UGT1A4: variants seen among roughly 807,000 people sequenced by gnomAD.
UGT1A4 encodes the protein UDP glucuronosyltransferase family 1 member A4.
Under a neutral mutation model 41.1 loss-of-function variants are expected in UGT1A4, and 32 were observed. The observed-to-expected ratio is 0.78, with a 90% CI of 0.59 to 1.05. UGT1A4 has a LOEUF of 1.05. UGT1A4 is among the 50% of genes least tolerant of loss of function. The probability of loss-of-function intolerance (pLI) is 0.00; values close to 1 mark genes in which losing one functional copy is unlikely to be tolerated. For missense variants in UGT1A4, 748 were observed against 677.4 expected (o/e 1.10, Z -1.16); for synonymous variants, 283 against 265.1 (o/e 1.07, Z -0.66).
At chr2:233,757,332 C>A (rs1696493928) in intron 1 of UGT1A4, among the ~76,000 whole-genome samples, 1 of 150,622 alleles carries the variant, frequency 6.6e-6, no homozygotes, top group Non-Finnish European at 1.5e-5. Flanking sequence ...TGAAATGGGA[C>A]CATGACAGCT....
chr2:233,719,115 G>A lies in UGT1A4; in HGVS notation c.295G>A (p.Gly99Arg). 1 of 1,614,244 alleles carries A rather than the reference G, an allele frequency of 6.2e-7. No homozygotes were observed. Among genetic ancestry groups the A allele is most frequent in the Non-Finnish European group, 8.5e-7 (1 of 1,180,040 alleles). Reference protein sequence around the residue: ...FDRVTLGYTQGFFETEHLLKR... With the variant: ...FDRVTLGYTQRFFETEHLLKR... Reference sequence around the variant, plus strand: ...TCGCGTTACGCTGGGCTACACTCAAGGGTTCTTTGAAACAGAACATCTTCT... The same window carrying A: ...TCGCGTTACGCTGGGCTACACTCAAAGGTTCTTTGAAACAGAACATCTTCT... Residue 99 changes from glycine (G) to arginine (R), a missense_variant, in exon 1 of 5, where the codon GGG (glycine) becomes AGG (arginine). Physicochemically the swap from Gly to Arg is moderately radical, Grantham distance 125. Coordinates refer to ENST00000373409, the MANE Select transcript of UGT1A4 (RefSeq NM_007120.3).
At chr2:233,725,829 C>A (rs1473271913) in intron 1 of UGT1A4, among the ~76,000 whole-genome samples, 1 of 152,074 alleles carries the variant, frequency 6.6e-6, no homozygotes, top group African/African-American at 2.4e-5. Flanking sequence ...ACCAGTATTG[C>A]TACTCCTATG....
At chr2:233,729,941 A>T (rs1478646241) in intron 1 of UGT1A4, 1 of 1,613,962 alleles carries the variant, frequency 6.2e-7, no homozygotes, top group African/African-American at 1.3e-5. Flanking sequence ...ATCATGCCCA[A>T]CATGGTCTTC....
intron 1 of UGT1A4, among the ~76,000 whole-genome samples, chr2:233,753,821 G>A (rs1406442938): frequency 6.6e-6 from 1 of 152,104 alleles, no homozygotes; most frequent in African/African-American, 2.4e-5. Flanking sequence ...ACCACGTTAG[G>A]GCTGAAGACA....
In UGT1A4 at chr2:233,767,880, C is replaced by T. The variant is rs144978321; in HGVS notation, c.1031C>T (p.Ser344Leu). Reference sequence around the variant, plus strand: ...TGGCGGTACACTGGAACCCGACCATCGAATCTTGCGAACAACACGATACTT... The same window carrying T: ...TGGCGGTACACTGGAACCCGACCATTGAATCTTGCGAACAACACGATACTT... ...VLWRYTGTRP[S>L]NLANNTILVK... Residue 344 changes from serine (S) to leucine (L), a missense_variant, in exon 3 of 5, where the codon TCG (serine) becomes TTG (leucine). Physicochemically the swap from Ser to Leu is moderately radical, Grantham distance 145 (BLOSUM62 -2). Transcript: ENST00000373409. 290 of 1,614,050 alleles carry T rather than the reference C, an allele frequency of 1.8e-4. No homozygotes were observed. Among genetic ancestry groups the T allele is most frequent in the Non-Finnish European group, 2.4e-4 (278 of 1,180,052 alleles).
At chr2:233,748,802 C>G (rs1371204556) in intron 1 of UGT1A4, among the ~76,000 whole-genome samples, 1 of 151,284 alleles carries the variant, frequency 6.6e-6, no homozygotes, top group African/African-American at 2.5e-5. Context: ...CTGAAATTAT[C>G]AAGAAATTGT....
intron 1 of UGT1A4, among the ~76,000 whole-genome samples, chr2:233,758,486 A>G (rs1279862194): frequency 6.6e-6 from 1 of 152,222 alleles, no homozygotes; most frequent in East Asian, 1.9e-4. Flanking sequence ...TAAACTGTGA[A>G]TTTCAGAATT....
At chr2:233,720,076 G>A (rs1239558691) in intron 1 of UGT1A4, among the ~76,000 whole-genome samples, 1 of 152,116 alleles carries the variant, frequency 6.6e-6, no homozygotes, top group African/African-American at 2.4e-5. Context: ...TTAGAATTGT[G>A]GACATGATAA....
intron 1 of UGT1A4, among the ~76,000 whole-genome samples, chr2:233,724,281 C>G (rs1325936815): frequency 2.7e-5 from 3 of 112,012 alleles, no homozygotes; most frequent in Admixed American, 8.5e-5. Flanking sequence ...GCTGGCCGGG[C>G]GGGGGGCTGA....
chr2:233,767,172 A>G lies in UGT1A4; in HGVS notation c.999+7A>G, dbSNP rs375883067. On this transcript the variant is annotated splice_region_variant and intron_variant, in intron 2 of 4. Coordinates refer to ENST00000373409, the MANE Select transcript of UGT1A4 (RefSeq NM_007120.3). The stretch of plus-strand genomic sequence containing the variant: ...GGGCAAAATCCCTCAGACAGTAAGA[A>G]GATTCTATACCATGGCCTCATATCT... The G allele has an allele frequency of 1.2e-6, 2 of 1,614,098 alleles. No individual in the cohort carries two copies. The highest frequency in any genetic ancestry group is 3.3e-5 in the Admixed American group (2 of 60,024).
chr2:233,746,667 C>A (rs4663969), intron 1 of UGT1A4, among the ~76,000 whole-genome samples: 68,357 of 151,262 alleles, frequency 0.45, 16,045 homozygotes, highest in South Asian at 0.58. Context: ...GAGTTCCTAG[C>A]ATAGTAGGTA....
At chr2:233,752,118 G>A (rs1227638081) in intron 1 of UGT1A4, among the ~76,000 whole-genome samples, 1 of 152,216 alleles carries the variant, frequency 6.6e-6, no homozygotes, top group Non-Finnish European at 1.5e-5. Context: ...AGGAGAAGAA[G>A]ATGATGGACA....
At chr2:233,763,812 C>A (rs1698404052) in intron 1 of UGT1A4, among the ~76,000 whole-genome samples, 1 of 152,104 alleles carries the variant, frequency 6.6e-6, no homozygotes, top group Non-Finnish European at 1.5e-5. Context: ...TCAAGAATTC[C>A]AAGATGTTCC....
chr2:233,767,957 G>A (rs1699529946), intron 3 of UGT1A4, 21 bp downstream of exon 3: 6 of 1,614,186 alleles, frequency 3.7e-6, no homozygotes, highest in South Asian at 1.1e-5. Flanking sequence ...CGGATTGGAT[G>A]TATAGGTCAA....
rs917335869 is a variant in UGT1A4, at chr2:233,769,898, A to C, written c.1307+1459A>C. 2.9e-6 allele frequency: 1 copy of C among 349,938 alleles called. No individual in the cohort carries two copies. Among genetic ancestry groups the C allele is most frequent in the Non-Finnish European group, 5.1e-6 (1 of 194,280 alleles). The allele number at this position is 349,938 out of a possible 1,614,324, so 21.7% of individuals were successfully genotyped here. Reference sequence around the variant, plus strand: ...AATGAAAAGTCCACATAACCTGAGCATCATGTGCCCAGAGCGTTGGGTGGT... The same window carrying C: ...AATGAAAAGTCCACATAACCTGAGCCTCATGTGCCCAGAGCGTTGGGTGGT... On this transcript the variant is annotated intron_variant, in intron 4 of 4. Transcript: ENST00000373409. The surrounding 1 kb of genome is among the most constrained non-coding windows in gnomAD (Gnocchi z 4.4).
At chr2:233,735,234 CTTG>C (rs1328873988) in intron 1 of UGT1A4, among the ~76,000 whole-genome samples, 2 of 152,132 alleles carry the variant, frequency 1.3e-5, no homozygotes, top group African/African-American at 4.8e-5. Context: ...ATAGTTAGCT[CTTG>C]TTGTTGAATT....
chr2:233,747,327 C>T (rs1052520696), intron 1 of UGT1A4: 43 of 1,603,124 alleles, frequency 2.7e-5, no homozygotes, highest in Non-Finnish European at 3.7e-5. Flanking sequence ...CCATTGATGG[C>T]AGCCACTGGC....
At chr2:233,724,636 G>A (rs1302361231) in intron 1 of UGT1A4, among the ~76,000 whole-genome samples, 4 of 141,026 alleles carry the variant, frequency 2.8e-5, no homozygotes, top group Admixed American at 7.0e-5. Flanking sequence ...CTTCCTAGAT[G>A]TGATGGCGGC....
At chr2:233,761,160 T>C (rs1333134836) in intron 1 of UGT1A4, 2 of 1,614,242 alleles carry the variant, frequency 1.2e-6, no homozygotes, top group Non-Finnish European at 8.5e-7. Flanking sequence ...AGGTGTGTAT[T>C]GGAGTGGGAC....
Sources: gnomAD v4.1 joint callset for allele counts (sites outside exome capture counted in the v4.1 genomes callset) on GRCh38, gnomAD v4.1.1 for gene constraint, Gnocchi (gnomAD v3.1) non-coding constraint, MANE v1.5 for transcripts, NCBI Gene and HGNC (gene_info 2026-07-23, HGNC 2026-07-21) for gene names.